The following GCC2 variants were observed in gnomAD, a reference collection of about 807,000 sequenced individuals.
GCC2 encodes GRIP and coiled-coil domain-containing protein 2.
In GCC2, 120 loss-of-function variants were observed where a neutral mutation model predicts 210.6. The ratio of observed to expected loss-of-function variants is 0.57; its 90% confidence interval spans 0.49 to 0.66. The LOEUF is 0.66. GCC2 is among the 30% of genes least tolerant of loss of function. GCC2 has a pLI of 0.00. For missense variants in GCC2, 1,868 were observed against 1,871.9 expected, an observed-to-expected ratio of 1.00 and a Z score of 0.04; for synonymous variants, 703 against 652.7, an observed-to-expected ratio of 1.08 and a Z score of -1.17.
chr2:108,458,521 T>C lies in GCC2; in HGVS notation c.216+6055T>C, dbSNP rs74545154. 1.7e-3 allele frequency among the ~76,000 whole-genome samples: 255 copies of C among 152,122 alleles called. 3 individuals are homozygous for C. The East Asian group carries it at 0.018, about 11-fold the overall frequency. ...GATTGGTATTAGGTCTTTATACATT[T>C]GGTAGAATTCAGTGTGCATCCATCT... On this transcript the variant is annotated intron_variant, in intron 4 of 22. Transcript: ENST00000309863.
Position 108,471,527 on chromosome 2 carries a change from T to C in GCC2, c.2198T>C (p.Leu733Ser). Residue 733 changes from leucine to serine, a missense_variant, in exon 6 of 23, where the codon TTA (leucine) becomes TCA (serine). Transcript: ENST00000309863. ...ACTCAATTAGAAAAGAAACTTCAGT[T>C]AATGGTTGAAGAGCAAGATAATTTA... ...HITQLEKKLQ[L>S]MVEEQDNLNK... 1 of 1,604,194 alleles carries C rather than the reference T, an allele frequency of 6.2e-7. No individual in the cohort carries two copies. The highest frequency in any genetic ancestry group is 1.1e-5 in the South Asian group (1 of 88,640).
chr2:108,484,146 C>T lies in GCC2; in HGVS notation c.3451-3C>T. The T allele has an allele frequency of 6.4e-7, 1 of 1,559,968 alleles. No individual in the cohort carries two copies. Among genetic ancestry groups the T allele is most frequent in the Non-Finnish European group, 8.6e-7 (1 of 1,157,782 alleles). On this transcript the variant is annotated splice_region_variant and splice_polypyrimidine_tract_variant and intron_variant, in intron 12 of 22. Coordinates refer to ENST00000309863, the MANE Select transcript of GCC2 (RefSeq NM_181453.4). ...GTAAATCTTTTACTTATAAAATGTG[C>T]AGGATGCCCAACAAACCACATTGAT...
intron 9 of GCC2, among the ~76,000 whole-genome samples, chr2:108,479,705 C>T (rs1029555308): frequency 2.0e-5 from 3 of 151,972 alleles, no homozygotes; most frequent in African/African-American, 4.8e-5. Context: ...CAGCAGAGGC[C>T]GGGCTCAGTG....
chr2:108,451,630 G>A (rs1679950935), intron 3 of GCC2, among the ~76,000 whole-genome samples: 2 of 151,846 alleles, frequency 1.3e-5, no homozygotes, highest in South Asian at 4.2e-4. Flanking sequence ...ATATGTACAT[G>A]AGCTCTTGAA....
In GCC2 at chr2:108,459,745, C is replaced by CTTT. The variant is rs34052393; in HGVS notation, c.216+7310_216+7312dup. Among the ~76,000 whole-genome samples the CTTT allele has an allele frequency of 5.3e-3, 142 of 26,714 alleles. 2 individuals are homozygous for CTTT. Among genetic ancestry groups the CTTT allele is most frequent in the African/African-American group, 6.6e-3 (51 of 7,702 alleles). 17.5% of individuals were successfully genotyped at this position (26,714 alleles called of 152,430 possible). On this transcript the variant is annotated intron_variant, in intron 4 of 22. Transcript: ENST00000309863. ...GCCATTAGATAATGACCTTCTTTGT[C>CTTT]TTTTTTTTTTTTTTTTTTTTTTTTT...
chr2:108,453,444 A>G (rs575228958), intron 4 of GCC2, among the ~76,000 whole-genome samples: 1 of 152,194 alleles, frequency 6.6e-6, no homozygotes, highest in Non-Finnish European at 1.5e-5. Flanking sequence ...TTAGTCTTAT[A>G]TAATACTGCC....
chr2:108,499,296 A>G (rs940711899), intron 21 of GCC2, among the ~76,000 whole-genome samples: 10 of 152,170 alleles, frequency 6.6e-5, no homozygotes, highest in African/African-American at 2.4e-4. Flanking sequence ...TCCACTTTCT[A>G]GGCAAATGCA....
chr2:108,472,814 C>T lies in GCC2; in HGVS notation c.2788-13C>T, dbSNP rs1164672543. On this transcript the variant is annotated splice_polypyrimidine_tract_variant and intron_variant, in intron 6 of 22. Transcript: ENST00000309863. ...GTTTTGTTTTGTGTTTTTTTTTCCC[C>T]TGTAAAATCTAGGATTCCTTAGCAA... 6.7e-7 allele frequency: 1 copy of T among 1,485,602 alleles called. No individual in the cohort carries two copies. Among genetic ancestry groups the T allele is most frequent in the Non-Finnish European group, 9.3e-7 (1 of 1,077,796 alleles). 92.0% of individuals were successfully genotyped at this position (1,485,602 alleles called of 1,614,324 possible).
intron 4 of GCC2, among the ~76,000 whole-genome samples, chr2:108,457,234 G>A (rs573183091): frequency 6.6e-6 from 1 of 152,288 alleles, no homozygotes; most frequent in East Asian, 1.9e-4. Flanking sequence ...GGCACCGTTT[G>A]TTAAGAGGGT....
chr2:108,458,184 C>G (rs1018399896), intron 4 of GCC2, among the ~76,000 whole-genome samples: 1 of 152,016 alleles, frequency 6.6e-6, no homozygotes, highest in Non-Finnish European at 1.5e-5. Flanking sequence ...TGACATACGA[C>G]TTTTGCCCTT....
At chr2:108,472,673 A>G (rs1233916548) in intron 6 of GCC2, among the ~76,000 whole-genome samples, 154 bp from the exon 7 acceptor site, 1 of 152,068 alleles carries the variant, frequency 6.6e-6, no homozygotes, top group Non-Finnish European at 1.5e-5. Context: ...CTGGTCTAAC[A>G]AGGGAAAATC....
chr2:108,483,218 TTTG>T (rs1299934546), intron 12 of GCC2, 52 bp downstream of exon 12: 1 of 925,242 alleles, frequency 1.1e-6, no homozygotes. Flanking sequence ...ATTGTTCTGT[TTTG>T]TTGTTCTGTT....
chr2:108,488,768 G>A (rs951295568), intron 17 of GCC2, among the ~76,000 whole-genome samples: 5 of 152,084 alleles, frequency 3.3e-5, no homozygotes, highest in Non-Finnish European at 7.4e-5. Context: ...TTTACATCTG[G>A]CTCTTACTGT....
chr2:108,461,823 TTTTTTTCTTTTTC>T (rs1680592820), intron 4 of GCC2, among the ~76,000 whole-genome samples: 1 of 140,412 alleles, frequency 7.1e-6, no homozygotes, highest in African/African-American at 2.8e-5. Flanking sequence ...GTTTTCTTTT[TTTTTTTCTTTTTC>T]TTTTTTTTTT....
In GCC2 at chr2:108,497,064, T is replaced by G; in HGVS notation, c.4737T>G (p.Leu1579=). 6.2e-7 allele frequency: 1 copy of G among 1,612,002 alleles called. No individual in the cohort carries two copies. Among genetic ancestry groups the G allele is most frequent in the Non-Finnish European group, 8.5e-7 (1 of 1,179,862 alleles). ...GTGCAGATCACTTAAACGGCCTGCT[T>G]CGGGAAACAGAAGCAACCAATGCAA... ...TKSADHLNGL[L]RETEATNAIL... is the part of the protein sequence containing the mutation. Residue 1579 remains leucine, a synonymous_variant, in exon 21 of 23, where the codon CTT becomes CTG. Transcript: ENST00000309863.
intron 20 of GCC2, 99 bp downstream of exon 20, chr2:108,495,584 A>G (rs1032652923): frequency 2.2e-5 from 16 of 728,506 alleles, no homozygotes; most frequent in African/African-American, 5.4e-5. Context: ...GGCTGCTCCA[A>G]TAAAATTTCT....
intron 4 of GCC2, among the ~76,000 whole-genome samples, chr2:108,459,652 T>G (rs543195787): frequency 6.6e-6 from 1 of 151,068 alleles, no homozygotes; most frequent in African/African-American, 2.4e-5. Flanking sequence ...TTTAGGAATC[T>G]GGGTGCTCCA....
Position 108,472,098 on chromosome 2 carries a change from A to C in GCC2, c.2769A>C (p.Ala923=), listed in dbSNP as rs371074235. The change falls in exon 6 of 23, where the codon GCA becomes GCC. Residue 923 remains alanine, a synonymous_variant. Transcript: ENST00000309863. Reference sequence around the variant, plus strand: ...AAAAAGAATTACGAGATAGGAGAGCAGAGTTGATACTATTAAAGGTACCAT... The same window carrying C: ...AAAAAGAATTACGAGATAGGAGAGCCGAGTTGATACTATTAAAGGTACCAT... ...LEQKELRDRR[A]ELILLKDSLA... is the part of the protein sequence containing the mutation. The C allele has an allele frequency of 6.5e-6, 10 of 1,546,488 alleles. No individual in the cohort carries two copies. The highest frequency in any genetic ancestry group is 2.8e-5 in the African/African-American group (2 of 71,986).
chr2:108,482,998 C>A (rs1156826718), intron 11 of GCC2, 64 bp from the exon 12 acceptor site: 2 of 843,186 alleles, frequency 2.4e-6, no homozygotes, highest in Non-Finnish European at 2.0e-6. Context: ...TATTTTAAAG[C>A]CCCTTAAAAA....
Sources: allele counts gnomAD v4.1 joint callset (sites outside exome capture counted in the v4.1 genomes callset), GRCh38; gene constraint gnomAD v4.1.1; transcripts MANE v1.5; gene names NCBI Gene and HGNC (gene_info 2026-07-23, HGNC 2026-07-21).